The following SPON1 variants were observed in gnomAD, a reference collection of about 807,000 sequenced individuals.
SPON1 encodes the protein spondin-1.
SPON1 carries 52 observed loss-of-function variants against 111.7 expected under a neutral mutation model. The ratio of observed to expected loss-of-function variants is 0.47; its 90% CI spans 0.37 to 0.59. SPON1 has a LOEUF of 0.59. Among genes scored for constraint, SPON1 ranks in the 20% least tolerant of loss-of-function variants. The pLI, the probability that SPON1 is intolerant of heterozygous loss-of-function variation, is 0.00. For missense variants in SPON1, 957 were observed against 1,068.5 expected (o/e 0.90, Z 1.46); for synonymous variants, 410 against 395.8 (o/e 1.04, Z -0.43).
At chr11:14,158,777 T>C (rs907836424) in intron 6 of SPON1, among the ~76,000 whole-genome samples, 2 of 152,182 alleles carry the variant, frequency 1.3e-5, no homozygotes, top group Admixed American at 1.3e-4. Context: ...TGGCCTCATA[T>C]AAGCTCGCTT....
At chr11:13,999,125 T>A (rs1848296546) in intron 2 of SPON1, among the ~76,000 whole-genome samples, 1 of 152,220 alleles carries the variant, frequency 6.6e-6, no homozygotes, top group Non-Finnish European at 1.5e-5. Context: ...GGGTCATAGT[T>A]TACTGAAACA....
At chr11:14,011,596 A>G (rs956669218) in intron 2 of SPON1, among the ~76,000 whole-genome samples, 1 of 151,966 alleles carries the variant, frequency 6.6e-6, no homozygotes, top group East Asian at 1.9e-4. Context: ...AGAATTTCCT[A>G]TTGTTCTCAA....
chr11:14,151,438 C>T (rs1847786980), intron 6 of SPON1, among the ~76,000 whole-genome samples: 1 of 152,088 alleles, frequency 6.6e-6, no homozygotes, highest in Non-Finnish European at 1.5e-5. Flanking sequence ...ATTAGGAAGC[C>T]ATTGAGGGTT....
At chr11:14,021,127 T>C (rs546412450) in intron 2 of SPON1, among the ~76,000 whole-genome samples, 2 of 152,168 alleles carry the variant, frequency 1.3e-5, no homozygotes, top group Non-Finnish European at 2.9e-5. Context: ...CACTTTCTAC[T>C]TTATACCTAT....
intron 4 of SPON1, among the ~76,000 whole-genome samples, chr11:14,076,553 C>T (rs1848919539): frequency 6.6e-6 from 1 of 152,096 alleles, no homozygotes; most frequent in African/African-American, 2.4e-5. Flanking sequence ...AGGGGCCTGA[C>T]ACAAAAAATT....
In SPON1 at chr11:14,080,118, C is replaced by T. The variant is rs141368409; in HGVS notation, c.676+97C>T. 297 of 1,433,836 alleles carry T rather than the reference C, an allele frequency of 2.1e-4. 1 individual carries two copies. The African/African-American group carries it at 3.4e-3, about 16-fold the overall frequency. 88.8% of individuals were successfully genotyped at this position (1,433,836 alleles called of 1,614,324 possible). A position where few individuals can be genotyped will look rare whatever the true frequency, so the allele number is the denominator to read the frequency against. The stretch of plus-strand genomic sequence containing the variant: ...CTAGCTGCAGCATGTCAGATCTGCT[C>T]CCTAGTATTGGCTGGTTCATGAAAT... On this transcript the variant is annotated intron_variant, in intron 5 of 15. Transcript: ENST00000576479.
At chr11:14,204,587 T>TC (rs1848497641) in intron 6 of SPON1, among the ~76,000 whole-genome samples, 1 of 149,984 alleles carries the variant, frequency 6.7e-6, no homozygotes, top group Non-Finnish European at 1.5e-5. Context: ...CATGCCCAGC[T>TC]CCAAGTAAGA....
intron 7 of SPON1, 41 bp downstream of exon 7, chr11:14,243,437 G>C (rs782277846): frequency 6.5e-7 from 1 of 1,536,692 alleles, no homozygotes; most frequent in Non-Finnish European, 8.8e-7. Flanking sequence ...TCTTATCCTA[G>C]CCCCTTCTCA....
At chr11:14,180,597 C>T (rs1201630311) in intron 6 of SPON1, among the ~76,000 whole-genome samples, 2 of 152,146 alleles carry the variant, frequency 1.3e-5, no homozygotes, top group Admixed American at 1.3e-4. Flanking sequence ...TCTATCGCAC[C>T]CTGTTTTAAA....
chr11:13,965,829 A>G (rs184460817), intron 1 of SPON1, among the ~76,000 whole-genome samples: 90 of 152,248 alleles, frequency 5.9e-4, no homozygotes, highest in African/African-American at 2.1e-3. Flanking sequence ...CATTCTGCTC[A>G]TTGTCCTGAC....
chr11:14,200,223 T>C (rs889501647), intron 6 of SPON1, among the ~76,000 whole-genome samples: 3 of 152,158 alleles, frequency 2.0e-5, no homozygotes, highest in Non-Finnish European at 4.4e-5. Context: ...TTATAGCTTG[T>C]CTTGTGTGCT....
rs868945053 is a variant in SPON1 at position 14,221,724 on chromosome 11, C to T, written c.826-21608C>T. ...TCTTATCAATGGGGGGTTCTCTGCT[C>T]CCCCCATCTTCACAAGCGAAGGGCA... is the stretch of plus-strand genomic sequence containing the variant. On this transcript the variant is annotated intron_variant, in intron 6 of 15. Coordinates refer to ENST00000576479, the MANE Select transcript of SPON1 (RefSeq NM_006108.4). Among the ~76,000 whole-genome samples the T allele has an allele frequency of 3.9e-5, 6 of 152,238 alleles. No individual in the cohort carries two copies. In the South Asian group the frequency reaches 1.2e-3, roughly 32 times the overall value.
At chr11:14,138,543 G>C (rs1847618495) in intron 6 of SPON1, among the ~76,000 whole-genome samples, 1 of 152,070 alleles carries the variant, frequency 6.6e-6, no homozygotes, top group Non-Finnish European at 1.5e-5. Flanking sequence ...ATGTGTCCTG[G>C]TGGCCAGGAC....
intron 5 of SPON1, among the ~76,000 whole-genome samples, chr11:14,114,047 G>C (rs1849248849): frequency 6.6e-6 from 1 of 152,104 alleles, no homozygotes. Flanking sequence ...TATCCTTTGA[G>C]TTACAAACAA....
At chr11:14,001,788 G>T (rs1848321025) in intron 2 of SPON1, among the ~76,000 whole-genome samples, 1 of 152,052 alleles carries the variant, frequency 6.6e-6, no homozygotes, top group Non-Finnish European at 1.5e-5. Flanking sequence ...ACCAAGAACT[G>T]CAGGAAAATT....
intron 6 of SPON1, among the ~76,000 whole-genome samples, chr11:14,147,508 C>T (rs7480093): frequency 0.39 from 59,750 of 151,988 alleles, 12,010 homozygotes; most frequent in East Asian, 0.55. Flanking sequence ...ACCTCTGCCT[C>T]CAAGTTTCAA....
chr11:14,064,607 T>G (rs1164401506), intron 3 of SPON1, among the ~76,000 whole-genome samples: 1 of 152,136 alleles, frequency 6.6e-6, no homozygotes, highest in Non-Finnish European at 1.5e-5. Flanking sequence ...GAGAGGAGCC[T>G]TTGTTTAGAG....
rs1564878055 is a variant in SPON1, at chr11:13,979,436, C to T, written c.239-3411C>T. 2.0e-5 allele frequency among the ~76,000 whole-genome samples: 3 copies of T among 152,170 alleles called. No individual in the cohort carries two copies. The South Asian group carries it at 6.2e-4, about 32-fold the overall frequency. ...CTTCAACATATCTTAAACCGTAACACAAGCCTCAGATGAGGATTCAGATGA... is the reference window on the plus strand; with the variant it reads ...CTTCAACATATCTTAAACCGTAACATAAGCCTCAGATGAGGATTCAGATGA... On this transcript the variant is annotated intron_variant, in intron 1 of 15. Coordinates refer to ENST00000576479, the MANE Select transcript of SPON1 (RefSeq NM_006108.4).
chr11:14,231,209 C>A (rs922659925), intron 6 of SPON1, among the ~76,000 whole-genome samples: 3 of 151,818 alleles, frequency 2.0e-5, no homozygotes, highest in African/African-American at 7.3e-5. Flanking sequence ...TCACAGCTCA[C>A]TGCAACCTTC....
Sources: gnomAD v4.1 joint callset for allele counts (sites outside exome capture counted in the v4.1 genomes callset) on GRCh38, gnomAD v4.1.1 for gene constraint, MANE v1.5 for transcripts, NCBI Gene and HGNC (gene_info 2026-07-23, HGNC 2026-07-21) for gene names.